Variants in GALNT6 observed in about 807,000 individuals in gnomAD.
GALNT6 encodes the protein polypeptide N-acetylgalactosaminyltransferase 6, also known as GalNAc transferase 6.
GALNT6 carries 51 observed loss-of-function variants against 65.9 expected under a neutral mutation model. That is an observed-to-expected ratio of 0.77 (90% confidence interval 0.62 to 0.98). The LOEUF (loss-of-function observed/expected upper bound fraction) is 0.98, where lower values mean the gene tolerates loss of function less well. Among genes scored for constraint, GALNT6 ranks in the 50% least tolerant of loss-of-function variants. The pLI is 0.00. For synonymous variants in GALNT6, 323 were observed against 315.1 expected, an observed-to-expected ratio of 1.02 and a Z score of -0.26; for missense variants, 708 against 803.3, an observed-to-expected ratio of 0.88 and a Z score of 1.43.
intron 2 of GALNT6, among the ~76,000 whole-genome samples, chr12:51,388,264 G>T (rs1424676121): frequency 6.6e-6 from 1 of 152,212 alleles, no homozygotes; most frequent in Non-Finnish European, 1.5e-5. Flanking sequence ...AGCAGGAGCT[G>T]CCTGCCAGCC....
chr12:51,352,068 T>C lies in GALNT6; in HGVS notation c.*2311A>G, dbSNP rs1946626158. 6.6e-6 allele frequency: 1 copy of C among 152,254 alleles called. No individual in the cohort carries two copies. Among genetic ancestry groups the C allele is most frequent in the Non-Finnish European group, 1.5e-5 (1 of 68,072 alleles). 9.4% of individuals were successfully genotyped at this position (152,254 alleles called of 1,614,324 possible). ...GGCCTCCCGCAGGGTTGAGTTGCAA[T>C]GGGAACAAAGACAGCTGTGGTCCCA... On this transcript the variant is annotated 3_prime_UTR_variant, in exon 12 of 12. Transcript: ENST00000356317.
At chr12:51,367,192 G>A (rs10783434) in intron 4 of GALNT6, among the ~76,000 whole-genome samples, 128,432 of 152,026 alleles carry the variant, frequency 0.84, 54,405 homozygotes, top group South Asian at 0.91. Flanking sequence ...GGGAGGCAGA[G>A]GTTGCAGTGA....
chr12:51,365,648 A>C, intron 4 of GALNT6, 69 bp from the exon 5 acceptor site: 1 of 1,507,636 alleles, frequency 6.6e-7, no homozygotes, highest in Non-Finnish European at 9.1e-7. Context: ...GTGGGCACCA[A>C]GCTAGGGGCT....
chr12:51,380,755 C>G (rs569472421), intron 2 of GALNT6, among the ~76,000 whole-genome samples: 2 of 152,132 alleles, frequency 1.3e-5, no homozygotes, highest in African/African-American at 4.8e-5. Context: ...CATGCCACTG[C>G]ACTCCAGCCT....
chr12:51,360,726 A>C lies in GALNT6; in HGVS notation c.1162T>G (p.Phe388Val), dbSNP rs1278879476. Residue 388 changes from phenylalanine to valine, a missense_variant, in exon 7 of 12, where the codon TTC becomes GTC. Transcript: ENST00000356317. ...IWGGENVEMS[F>V]RVWQCGGQLE... ...AAAGCCCTCTTCACTCTCACCCGGA[A>C]GGACATTTCCACGTTCTCCCCTCCC... The C allele has an allele frequency of 6.3e-7, 1 of 1,583,430 alleles. No individual in the cohort carries two copies. The highest frequency in any genetic ancestry group is 2.2e-5 in the East Asian group (1 of 44,742).
intron 11 of GALNT6, among the ~76,000 whole-genome samples, chr12:51,355,470 T>C (rs965198788): frequency 6.6e-5 from 10 of 152,096 alleles, no homozygotes; most frequent in African/African-American, 1.9e-4. Context: ...AGTTCTCTTT[T>C]TATTTTTTAT....
intron 2 of GALNT6, among the ~76,000 whole-genome samples, chr12:51,384,271 C>A (rs1475166647): frequency 6.6e-6 from 1 of 152,252 alleles, no homozygotes; most frequent in Admixed American, 6.5e-5. Flanking sequence ...AACTTACCTT[C>A]TCTCACTGGT....
At chr12:51,365,070 T>C (rs1195894283) in intron 5 of GALNT6, among the ~76,000 whole-genome samples, 1 of 152,102 alleles carries the variant, frequency 6.6e-6, no homozygotes, top group South Asian at 2.1e-4. Flanking sequence ...CATGTTGCCC[T>C]AGAAGAAAGC....
chr12:51,375,871 G>GT (rs1282431366), intron 4 of GALNT6, among the ~76,000 whole-genome samples: 2 of 150,272 alleles, frequency 1.3e-5, no homozygotes, highest in Non-Finnish European at 3.0e-5. Context: ...TTTTTGTTTT[G>GT]TTTTTTTGAG....
intron 4 of GALNT6, among the ~76,000 whole-genome samples, chr12:51,367,303 C>T (rs1157531697): frequency 8.6e-5 from 13 of 151,980 alleles, no homozygotes; most frequent in Admixed American, 5.9e-4. Context: ...GGTGTGGTGG[C>T]GCACACCTGT....
At chr12:51,373,974 C>G (rs1346423427) in intron 4 of GALNT6, among the ~76,000 whole-genome samples, 5 of 152,212 alleles carry the variant, frequency 3.3e-5, no homozygotes, top group Admixed American at 3.3e-4. Context: ...ATCCTTCCAC[C>G]TCAGCCCTCC....
At position 51,354,362 on chromosome 12, in the gene GALNT6, T is replaced by TG; in HGVS notation, c.*16dup. 1 of 1,382,670 alleles carries TG rather than the reference T, an allele frequency of 7.2e-7. No homozygotes were observed. The highest frequency in any genetic ancestry group is 9.9e-7 in the Non-Finnish European group (1 of 1,011,590). The allele number at this position is 1,382,670 out of a possible 1,614,324, so 85.7% of individuals were successfully genotyped here. A position where few individuals can be genotyped will look rare whatever the true frequency, so the allele number is the denominator to read the frequency against. ...CTGAGGAGCTTGTGGGGGCTCTCTC[T>TG]GGGGATGATCTGGGTCCTAGACAAA... On this transcript the variant is annotated 3_prime_UTR_variant, in exon 12 of 12. Transcript: ENST00000356317.
chr12:51,375,560 C>CTTT (rs57034265), intron 4 of GALNT6, among the ~76,000 whole-genome samples: 3 of 142,632 alleles, frequency 2.1e-5, no homozygotes, highest in African/African-American at 2.6e-5. Flanking sequence ...CTCAACTGCT[C>CTTT]TTTTTTTTTT....
chr12:51,357,425 C>T lies in GALNT6; in HGVS notation c.1526G>A (p.Cys509Tyr). 1 of 1,613,924 alleles carries T rather than the reference C, an allele frequency of 6.2e-7. No individual in the cohort carries two copies. The highest frequency in any genetic ancestry group is 8.5e-7 in the Non-Finnish European group (1 of 1,179,814). Residue 509 changes from cysteine to tyrosine, a missense_variant, in exon 10 of 12, where the codon TGC becomes TAC. Coordinates refer to ENST00000356317, the MANE Select transcript of GALNT6 (RefSeq NM_007210.4). ...GAIKNLGTNQCLDVGENNRGG... is the reference protein window; with the variant it reads ...GAIKNLGTNQYLDVGENNRGG... The stretch of plus-strand genomic sequence containing the variant: ...GCGGTTGTTCTCACCCACATCCAGG[C>T]ATTGGTTGGTGCCGAGGTTCTTGAT...
chr12:51,386,273 T>G (rs1947837967), intron 2 of GALNT6, among the ~76,000 whole-genome samples: 1 of 152,198 alleles, frequency 6.6e-6, no homozygotes, highest in Non-Finnish European at 1.5e-5. Context: ...TCTCAACTCC[T>G]AGACCACTAC....
chr12:51,378,245 C>T (rs1947527728), intron 3 of GALNT6, among the ~76,000 whole-genome samples: 2 of 152,304 alleles, frequency 1.3e-5, no homozygotes, highest in Middle Eastern at 3.4e-3. Flanking sequence ...ACCTCCACCT[C>T]CCAGGTTCAA....
chr12:51,377,349 G>C lies in GALNT6; in HGVS notation c.510C>G (p.Phe170Leu). Residue 170 changes from phenylalanine to leucine, a missense_variant, in exon 4 of 12, where the codon TTC becomes TTG. By Grantham distance (22) the Phe-to-Leu change is conservative. Transcript: ENST00000356317. ...TRPPECVDQK[F>L]RRCPPLATTS... ...TGGTGGCCAGTGGGGGGCAGCGCCG[G>C]AACTTCTGGTCCACACACCTGGAAG... is the stretch of plus-strand genomic sequence containing the variant. 1 of 1,612,528 alleles carries C rather than the reference G, an allele frequency of 6.2e-7. No individual in the cohort carries two copies. Among genetic ancestry groups the C allele is most frequent in the Middle Eastern group, 2.1e-4 (1 of 4,726 alleles).
chr12:51,357,935 G>A (rs926996896), intron 9 of GALNT6, among the ~76,000 whole-genome samples, 195 bp downstream of exon 9: 2 of 152,192 alleles, frequency 1.3e-5, no homozygotes, highest in Non-Finnish European at 2.9e-5. Flanking sequence ...ACTGCTTGTG[G>A]GTTGTTTTGC....
chr12:51,382,326 G>A (rs1947701075), intron 2 of GALNT6: 1 of 152,216 alleles, frequency 6.6e-6, no homozygotes, highest in African/African-American at 2.4e-5. Flanking sequence ...GTGAGAAGCA[G>A]AATCAAAGAG....
Sources: allele counts gnomAD v4.1 joint callset (sites outside exome capture counted in the v4.1 genomes callset), GRCh38; gene constraint gnomAD v4.1.1; transcripts MANE v1.5; gene names NCBI Gene and HGNC (gene_info 2026-07-23, HGNC 2026-07-21).